Variants in PHACTR1 observed in about 807,000 individuals in gnomAD.
PHACTR1 encodes phosphatase and actin regulator 1, also known as RPEL repeat containing 1.
PHACTR1 carries 16 observed loss-of-function variants against 69.2 expected under a neutral mutation model. The observed-to-expected ratio is 0.23, with a 90% CI of 0.16 to 0.35. The LOEUF is 0.35. Ranked by LOEUF, PHACTR1 falls within the 10% of genes least tolerant of loss-of-function variation. The probability of loss-of-function intolerance (pLI) is 1.00; values close to 1 mark genes in which losing one functional copy is unlikely to be tolerated. For synonymous variants in PHACTR1, 312 were observed against 284.5 expected (o/e 1.10, Z -0.97); for missense variants, 510 against 734.7 (o/e 0.69, Z 3.54).
chr6:13,287,188 C>A lies in PHACTR1; in HGVS notation c.*110C>A. 4 of 1,097,704 alleles carry A rather than the reference C, an allele frequency of 3.6e-6. No homozygotes were observed. The highest frequency in any genetic ancestry group is 3.0e-5 in the Admixed American group (1 of 33,606). The allele number at this position is 1,097,704 out of a possible 1,614,324, so 68.0% of individuals were successfully genotyped here. ...ATTACGATGTAAATCTTCTGAACTG[C>A]CTTTTTTTTAAAAAGAAGAAAAATC... is the stretch of plus-strand genomic sequence containing the variant. On this transcript the variant is annotated 3_prime_UTR_variant, in exon 15 of 15. Transcript: ENST00000332995.
intron 5 of PHACTR1, among the ~76,000 whole-genome samples, chr6:13,123,883 A>C (rs1219682180): frequency 6.6e-6 from 1 of 152,208 alleles, no homozygotes; most frequent in African/African-American, 2.4e-5. Flanking sequence ...GGCTGGGGAC[A>C]CAGGCAGTCC....
At chr6:12,846,892 C>T (rs1779335995) in intron 4 of PHACTR1, among the ~76,000 whole-genome samples, 1 of 152,016 alleles carries the variant, frequency 6.6e-6, no homozygotes, top group South Asian at 2.1e-4. Flanking sequence ...GCAGCTTCTG[C>T]CTCCCATGCT....
chr6:13,136,618 G>A (rs370433493), intron 5 of PHACTR1, among the ~76,000 whole-genome samples: 4 of 152,184 alleles, frequency 2.6e-5, no homozygotes, highest in African/African-American at 9.7e-5. Flanking sequence ...CTCACCTTTC[G>A]ACATGCTTCC....
Position 12,929,788 on chromosome 6 carries a change from C to T in PHACTR1, c.251-123577C>T, listed in dbSNP as rs1788669786. Among the ~76,000 whole-genome samples, 3 of 152,270 alleles carry T rather than the reference C, an allele frequency of 2.0e-5. No homozygotes were observed. In the South Asian group the frequency reaches 6.2e-4, roughly 32 times the overall value. ...TTTGGAATAGTTTCTAACTGATCAGCCTCTACTGAGATTGCTCCTTCATTC... is the reference window on the plus strand; with the variant it reads ...TTTGGAATAGTTTCTAACTGATCAGTCTCTACTGAGATTGCTCCTTCATTC... On this transcript the variant is annotated intron_variant, in intron 4 of 14. Coordinates refer to ENST00000332995, the MANE Select transcript of PHACTR1 (RefSeq NM_030948.6).
At chr6:13,047,056 C>T (rs1293795825) in intron 4 of PHACTR1, among the ~76,000 whole-genome samples, 1 of 152,074 alleles carries the variant, frequency 6.6e-6, no homozygotes, top group Non-Finnish European at 1.5e-5. Context: ...GGCTGGGCAC[C>T]TGTGTGGCGT....
intron 4 of PHACTR1, among the ~76,000 whole-genome samples, chr6:12,811,597 T>C (rs1260071861): frequency 6.6e-6 from 1 of 152,158 alleles, no homozygotes; most frequent in Non-Finnish European, 1.5e-5. Flanking sequence ...GTTTGATTTA[T>C]TTCTTACTTT....
At chr6:12,717,344 A>G (rs1581386972) in intron 1 of PHACTR1, among the ~76,000 whole-genome samples, 165 bp from the exon 2 acceptor site, 1 of 152,272 alleles carries the variant, frequency 6.6e-6, no homozygotes, top group South Asian at 2.1e-4. Context: ...ATGAAAATAA[A>G]CAATGAAGAC....
intron 4 of PHACTR1, among the ~76,000 whole-genome samples, chr6:12,796,151 T>C (rs1772973184): frequency 6.6e-6 from 1 of 152,224 alleles, no homozygotes; most frequent in Non-Finnish European, 1.5e-5. Flanking sequence ...TAGGGAGATT[T>C]AATTGCTGTC....
chr6:12,779,440 T>C (rs916458648), intron 4 of PHACTR1, among the ~76,000 whole-genome samples: 2 of 147,538 alleles, frequency 1.4e-5, no homozygotes, highest in South Asian at 4.2e-4. Context: ...AGTTAAACTT[T>C]TTCGTAATGT....
chr6:12,863,114 A>T (rs367759610), intron 4 of PHACTR1, among the ~76,000 whole-genome samples: 2 of 152,282 alleles, frequency 1.3e-5, no homozygotes, highest in East Asian at 3.8e-4. Flanking sequence ...ATTTGCTAAC[A>T]TATACAGTAT....
At chr6:12,728,090 T>C (rs557604991) in intron 3 of PHACTR1, among the ~76,000 whole-genome samples, 5 of 152,220 alleles carry the variant, frequency 3.3e-5, no homozygotes, top group African/African-American at 1.2e-4. Context: ...GGCTGGTGGA[T>C]GGTTTGAGGC....
At chr6:12,942,706 G>A (rs532029857) in intron 4 of PHACTR1, among the ~76,000 whole-genome samples, 14 of 152,298 alleles carry the variant, frequency 9.2e-5, no homozygotes, top group African/African-American at 3.4e-4. Flanking sequence ...ACAAGCCTGG[G>A]ATTGGAATTC....
chr6:12,895,177 CTTTTTTTTTT>C (rs139510433), intron 4 of PHACTR1, among the ~76,000 whole-genome samples: 2 of 88,294 alleles, frequency 2.3e-5, no homozygotes, highest in African/African-American at 7.8e-5. Context: ...TTTCTTTTTT[CTTTTTTTTTT>C]TTTTTTTTTT....
rs1775049182 is a variant in PHACTR1, at chr6:13,255,447, A to T, written c.1392-17413A>T. Among the ~76,000 whole-genome samples, 6 of 152,138 alleles carry T rather than the reference A, an allele frequency of 3.9e-5. No individual in the cohort carries two copies. In the South Asian group the frequency reaches 1.2e-3, roughly 32 times the overall value. On this transcript the variant is annotated intron_variant, in intron 10 of 14. Transcript: ENST00000332995. ...ATGTCCTTCTCATATTGCAAAATAA[A>T]ATCATTCCTTCCCACCAATCCCCAG...
chr6:13,286,304 G>A (rs1383847355), intron 14 of PHACTR1, 82 bp downstream of exon 14: 1 of 1,191,714 alleles, frequency 8.4e-7, no homozygotes, highest in Non-Finnish European at 1.2e-6. Flanking sequence ...CCACTTGTGG[G>A]ACATGAGTGG....
chr6:13,144,488 C>G (rs1198948986), intron 5 of PHACTR1, among the ~76,000 whole-genome samples: 1 of 152,112 alleles, frequency 6.6e-6, no homozygotes, highest in Non-Finnish European at 1.5e-5. Context: ...TATTCATGGA[C>G]TAGAAGACTC....
At chr6:13,142,700 T>C (rs752884589) in intron 5 of PHACTR1, among the ~76,000 whole-genome samples, 13 of 152,154 alleles carry the variant, frequency 8.5e-5, no homozygotes, top group Admixed American at 3.9e-4. Flanking sequence ...TTGTCAAAAA[T>C]CAATTGACCA....
intron 4 of PHACTR1, among the ~76,000 whole-genome samples, chr6:12,757,226 G>A (rs1175644423): frequency 1.3e-5 from 2 of 152,120 alleles, no homozygotes; most frequent in Admixed American, 1.3e-4. Context: ...ATGGGGTGGG[G>A]AGCAGAGTGA....
intron 4 of PHACTR1, among the ~76,000 whole-genome samples, chr6:13,013,460 C>A (rs1218420745): frequency 6.6e-6 from 1 of 152,192 alleles, no homozygotes; most frequent in African/African-American, 2.4e-5. Flanking sequence ...TGCTTTCATT[C>A]GGCAGCTTTA....
Sources: allele counts gnomAD v4.1 joint callset (sites outside exome capture counted in the v4.1 genomes callset), GRCh38; gene constraint gnomAD v4.1.1; transcripts MANE v1.5; gene names NCBI Gene and HGNC (gene_info 2026-07-23, HGNC 2026-07-21).